The following FNIP2 variants were observed in gnomAD, a reference collection of about 807,000 sequenced individuals.
FNIP2 encodes the protein folliculin-interacting protein 2.
Under a neutral mutation model 108.7 loss-of-function variants are expected in FNIP2, and 32 were observed. The observed-to-expected ratio is 0.29, with a 90% CI of 0.22 to 0.40. The LOEUF is 0.40. Ranked by LOEUF, FNIP2 falls within the 10% of genes least tolerant of loss-of-function variation. The pLI is 1.00. For synonymous variants in FNIP2, 480 were observed against 496.7 expected, an observed-to-expected ratio of 0.97 and a Z score of 0.45; for missense variants, 1,202 against 1,381.6, an observed-to-expected ratio of 0.87 and a Z score of 2.06.
chr4:158,881,272 TTCTCCC>T (rs1781582202), intron 14 of FNIP2, among the ~76,000 whole-genome samples: 1 of 116,986 alleles, frequency 8.5e-6, no homozygotes, highest in African/African-American at 3.8e-5. Flanking sequence ...TCTTTCCACG[TTCTCCC>T]TCTCCCTCTC....
At chr4:158,803,792 C>T (rs1365980138) in intron 1 of FNIP2, among the ~76,000 whole-genome samples, 3 of 152,128 alleles carry the variant, frequency 2.0e-5, no homozygotes, top group African/African-American at 7.2e-5. Context: ...ATATTAAAAG[C>T]CTCTATGGGA....
intron 14 of FNIP2, among the ~76,000 whole-genome samples, chr4:158,883,174 TAGAG>T (rs914083377): frequency 7.2e-5 from 11 of 152,046 alleles, no homozygotes; most frequent in South Asian, 6.2e-4. Context: ...GAGAAAAACA[TAGAG>T]AGAAGTGCTT....
At chr4:158,896,926 A>G (rs1490534678) in intron 16 of FNIP2, among the ~76,000 whole-genome samples, 1 of 151,778 alleles carries the variant, frequency 6.6e-6, no homozygotes, top group South Asian at 2.1e-4. Flanking sequence ...TACACGTGCC[A>G]TGGTGGTTTG....
chr4:158,887,382 T>C (rs1374154336), intron 14 of FNIP2, among the ~76,000 whole-genome samples: 1 of 152,148 alleles, frequency 6.6e-6, no homozygotes, highest in African/African-American at 2.4e-5. Flanking sequence ...AGAAATAGTA[T>C]TATAAAGAAG....
intron 12 of FNIP2, among the ~76,000 whole-genome samples, chr4:158,866,059 T>G (rs1231314502): frequency 6.7e-6 from 1 of 149,196 alleles, no homozygotes; most frequent in Non-Finnish European, 1.5e-5. Context: ...TTAATTAGTT[T>G]TATCTAGTAT....
intron 1 of FNIP2, among the ~76,000 whole-genome samples, chr4:158,813,953 T>G (rs1257976826): frequency 6.6e-6 from 1 of 152,238 alleles, no homozygotes; most frequent in Non-Finnish European, 1.5e-5. Context: ...TCCATTGTAT[T>G]ACTGTTGCTC....
chr4:158,855,345 T>G (rs570540082), intron 8 of FNIP2, among the ~76,000 whole-genome samples: 21 of 152,324 alleles, frequency 1.4e-4, no homozygotes, highest in African/African-American at 4.6e-4. Flanking sequence ...GGGGACGCTG[T>G]GCGTGTGGGG....
chr4:158,906,818 C>T lies in FNIP2; in HGVS notation c.*2274C>T, dbSNP rs947312897. On this transcript the variant is annotated 3_prime_UTR_variant, in exon 17 of 17. Transcript: ENST00000264433. ...CTAAAAGCAAAAAAGAAAAAAAAAA[C>T]CTCACAGAATTGTGTTGAGATCCAC... The T allele has an allele frequency of 2.0e-5, 3 of 151,970 alleles. No homozygotes were observed. Among genetic ancestry groups the T allele is most frequent in the Non-Finnish European group, 4.4e-5 (3 of 67,980 alleles). 9.4% of individuals were successfully genotyped at this position (151,970 alleles called of 1,614,324 possible).
Position 158,868,991 on chromosome 4 carries a change from G to C in FNIP2, c.2355G>C (p.Glu785Asp). The change falls in exon 13 of 17, where the codon GAG becomes GAC. Residue 785 changes from glutamate to aspartate, a missense_variant. Physicochemically the swap from Glu to Asp is conservative, Grantham distance 45 (BLOSUM62 2). Transcript: ENST00000264433. This position sits in a 1 kb window ranked among gnomAD's most constrained non-coding sequence, Gnocchi z 4.6. ...GCTGTCCTCAGAATCGGCTTTCAGAGGGGGATGAAGGCGAGTCTGACAAGG... is the reference window on the plus strand; with the variant it reads ...GCTGTCCTCAGAATCGGCTTTCAGACGGGGATGAAGGCGAGTCTGACAAGG... ...NVCCPQNRLS[E>D]GDEGESDKGF... 1.2e-6 allele frequency: 2 copies of C among 1,613,992 alleles called. No homozygotes were observed. The highest frequency in any genetic ancestry group is 2.2e-5 in the South Asian group (2 of 91,084).
chr4:158,785,679 A>C (rs1160668008), intron 1 of FNIP2, among the ~76,000 whole-genome samples: 1 of 148,482 alleles, frequency 6.7e-6, no homozygotes, highest in Non-Finnish European at 1.5e-5. Flanking sequence ...TTCCAGTTAC[A>C]GGGTTCTTTC....
At chr4:158,899,796 A>T (rs1283130465) in intron 16 of FNIP2, among the ~76,000 whole-genome samples, 1 of 152,146 alleles carries the variant, frequency 6.6e-6, no homozygotes, top group Non-Finnish European at 1.5e-5. Flanking sequence ...TCAAAAAACC[A>T]GCTCCTGGAT....
chr4:158,882,464 C>G (rs1395696697), intron 14 of FNIP2, among the ~76,000 whole-genome samples: 5 of 151,656 alleles, frequency 3.3e-5, no homozygotes, highest in Admixed American at 3.3e-4. Context: ...AGTGAGGAGC[C>G]CCTCTGCCTG....
At chr4:158,862,920 T>G (rs929321608) in intron 12 of FNIP2, among the ~76,000 whole-genome samples, 24 of 152,250 alleles carry the variant, frequency 1.6e-4, no homozygotes, top group African/African-American at 5.5e-4. Context: ...AATTAAGTAG[T>G]GTGCATTTAG....
chr4:158,881,071 G>T (rs1205695067), intron 14 of FNIP2, among the ~76,000 whole-genome samples: 2 of 152,188 alleles, frequency 1.3e-5, no homozygotes, highest in African/African-American at 4.8e-5. Context: ...TTGTCATGTA[G>T]CATCCTCTTA....
chr4:158,783,908 T>C (rs1377167091), intron 1 of FNIP2, among the ~76,000 whole-genome samples: 1 of 152,166 alleles, frequency 6.6e-6, no homozygotes, highest in African/African-American at 2.4e-5. Flanking sequence ...CTAACCGGTA[T>C]GGATGGAGGA....
In FNIP2 at chr4:158,859,607, A is replaced by G; in HGVS notation, c.1089A>G (p.Glu363=). 1 of 1,613,608 alleles carries G rather than the reference A, an allele frequency of 6.2e-7. No homozygotes were observed. The highest frequency in any genetic ancestry group is 8.5e-7 in the Non-Finnish European group (1 of 1,179,716). The change falls in exon 10 of 17, where the codon GAA becomes GAG. Residue 363 remains glutamate (E), a synonymous_variant. Coordinates refer to ENST00000264433, the MANE Select transcript of FNIP2 (RefSeq NM_020840.3). ...TGATCTCCTGTAGGAAAATAGCAGA[A>G]TCAAGTCTCCGAGTCCAGTTTTATG... The part of the protein sequence containing the change: ...KAMISCRKIA[E]SSLRVQFYVS...
In FNIP2 at chr4:158,898,590, C is replaced by T. The variant is rs958472113; in HGVS notation, c.3266+2725C>T. On this transcript the variant is annotated intron_variant, in intron 16 of 16. Coordinates refer to ENST00000264433, the MANE Select transcript of FNIP2 (RefSeq NM_020840.3). ...GTTATATTACTAGGTATTTTATTCT[C>T]TTTGTAGCAATTGTGAATAGGAGTT... 2.6e-5 allele frequency among the ~76,000 whole-genome samples: 4 copies of T among 152,276 alleles called. No individual in the cohort carries two copies. The East Asian group carries it at 7.7e-4, about 29-fold the overall frequency.
At chr4:158,809,917 T>TTTAATC (rs1777180957) in intron 1 of FNIP2, among the ~76,000 whole-genome samples, 1 of 152,230 alleles carries the variant, frequency 6.6e-6, no homozygotes, top group Non-Finnish European at 1.5e-5. Flanking sequence ...AGTCCTTAGA[T>TTTAATC]TGTCTGTGGT....
intron 1 of FNIP2, among the ~76,000 whole-genome samples, chr4:158,790,880 ATCT>A (rs1315685232): frequency 4.9e-4 from 75 of 151,692 alleles, no homozygotes; most frequent in African/African-American, 1.8e-3. Flanking sequence ...TTGGATTTGT[ATCT>A]TCTTATTTGG....
Sources: allele counts gnomAD v4.1 joint callset (sites outside exome capture counted in the v4.1 genomes callset), GRCh38; gene constraint gnomAD v4.1.1; non-coding constraint Gnocchi (gnomAD v3.1); transcripts MANE v1.5; gene names NCBI Gene and HGNC (gene_info 2026-07-23, HGNC 2026-07-21).